Variants in ANKS1B observed in about 807,000 individuals in gnomAD.
The protein encoded by ANKS1B is ankyrin repeat and sterile alpha motif domain containing 1B.
In ANKS1B, 36 loss-of-function variants were observed where a neutral mutation model predicts 148.3. The observed-to-expected ratio is 0.24, with a 90% confidence interval of 0.19 to 0.32. The LOEUF is 0.32. Among genes scored for constraint, ANKS1B ranks in the 10% least tolerant of loss-of-function variants. ANKS1B has a pLI of 1.00. For missense variants in ANKS1B, 1,157 were observed against 1,542.6 expected, an observed-to-expected ratio of 0.75 and a Z score of 4.19; for synonymous variants, 542 against 560.8, an observed-to-expected ratio of 0.97 and a Z score of 0.47.
At chr12:99,372,282 T>C (rs537429216) in intron 12 of ANKS1B, among the ~76,000 whole-genome samples, 1 of 151,554 alleles carries the variant, frequency 6.6e-6, no homozygotes, top group Non-Finnish European at 1.5e-5. Context: ...GCTGTGAACC[T>C]AAAAAGAAAA....
chr12:99,558,459 G>T (rs563123814), intron 9 of ANKS1B, among the ~76,000 whole-genome samples: 4 of 152,230 alleles, frequency 2.6e-5, no homozygotes, highest in East Asian at 1.9e-4. Flanking sequence ...GTGTGTCAAG[G>T]GGGGAGGGGA....
chr12:99,982,774 C>G (rs753464768), intron 1 of ANKS1B, among the ~76,000 whole-genome samples: 2 of 152,162 alleles, frequency 1.3e-5, no homozygotes, highest in Non-Finnish European at 2.9e-5. Flanking sequence ...CATAAATATT[C>G]ATTCTTCTGA....
intron 22 of ANKS1B, among the ~76,000 whole-genome samples, chr12:98,789,235 CG>C (rs2098825586): frequency 6.6e-6 from 1 of 151,986 alleles, no homozygotes; most frequent in African/African-American, 2.4e-5. Flanking sequence ...CCCAGCTACT[CG>C]GGAGGCTGAG....
At chr12:99,135,451 T>C (rs767342939) in intron 15 of ANKS1B, among the ~76,000 whole-genome samples, 9 of 152,152 alleles carry the variant, frequency 5.9e-5, no homozygotes, top group Non-Finnish European at 5.9e-5. Flanking sequence ...ACCCACTCAG[T>C]CACATCTTAG....
At chr12:99,100,333 TATTC>T (rs1432596170) in intron 15 of ANKS1B, among the ~76,000 whole-genome samples, 10 of 152,182 alleles carry the variant, frequency 6.6e-5, no homozygotes, top group Non-Finnish European at 1.5e-4. Flanking sequence ...TTCATTGACT[TATTC>T]ATTCACCCAT....
chr12:98,927,605 A>G (rs2099809910), intron 17 of ANKS1B, among the ~76,000 whole-genome samples: 1 of 152,000 alleles, frequency 6.6e-6, no homozygotes, highest in African/African-American at 2.4e-5. Flanking sequence ...AATGTCATAA[A>G]GATATAATTT....
rs559718557 is a variant in ANKS1B, at chr12:99,424,238, T to C, written c.1575+19435A>G. Among the ~76,000 whole-genome samples the C allele has an allele frequency of 4.6e-5, 7 of 152,320 alleles. No homozygotes were observed. The South Asian group carries it at 1.5e-3, about 32-fold the overall frequency. On this transcript the variant is annotated intron_variant, in intron 11 of 26. Coordinates refer to ENST00000683438, the MANE Select transcript of ANKS1B (RefSeq NM_001352186.2). ...ATGTACTTTATCAATATAAAAATCC[T>C]ATTTATTCCTATGCTTTTTATCTCA...
chr12:99,825,347 A>T lies in ANKS1B; in HGVS notation c.177T>A (p.Gly59=), dbSNP rs2083053882. ...AGGCTGCGTGGTGTAAAGCAGTGTA[A>T]CCCGAACTGTCTGTGCAGTTCACAT... is the stretch of plus-strand genomic sequence containing the variant. ...GPNVNCTDSS[G]YTALHHAALN... Residue 59 remains glycine (G), a synonymous_variant, in exon 2 of 27, where the codon GGT becomes GGA. Coordinates refer to ENST00000683438, the MANE Select transcript of ANKS1B (RefSeq NM_001352186.2). 2 of 1,612,796 alleles carry T rather than the reference A, an allele frequency of 1.2e-6. No homozygotes were observed. The highest frequency in any genetic ancestry group is 1.3e-5 in the African/African-American group (1 of 74,922).
chr12:99,488,494 T>A (rs1453349731), intron 10 of ANKS1B, among the ~76,000 whole-genome samples: 1 of 152,220 alleles, frequency 6.6e-6, no homozygotes, highest in Non-Finnish European at 1.5e-5. Flanking sequence ...AAATGTTTTT[T>A]AACAAAAATA....
chr12:99,587,998 G>A (rs1445519402), intron 9 of ANKS1B, among the ~76,000 whole-genome samples: 3 of 152,062 alleles, frequency 2.0e-5, no homozygotes, highest in Non-Finnish European at 2.9e-5. Flanking sequence ...CTAGATGTAC[G>A]AGTTACATTG....
At chr12:99,295,419 G>A (rs1280749007) in intron 12 of ANKS1B, among the ~76,000 whole-genome samples, 5 of 151,994 alleles carry the variant, frequency 3.3e-5, no homozygotes, top group African/African-American at 7.3e-5. Context: ...CTTATTACTG[G>A]ATTTGACAGT....
intron 1 of ANKS1B, among the ~76,000 whole-genome samples, chr12:99,928,601 C>T (rs2094534984): frequency 6.6e-6 from 1 of 152,178 alleles, no homozygotes; most frequent in Admixed American, 6.5e-5. Context: ...TATAAAGCTG[C>T]TGACAAATAT....
intron 10 of ANKS1B, among the ~76,000 whole-genome samples, chr12:99,447,115 G>C (rs183266238): frequency 6.6e-6 from 1 of 152,084 alleles, no homozygotes; most frequent in East Asian, 1.9e-4. Flanking sequence ...TGCTGGCATA[G>C]AAACAGACAC....
chr12:99,221,003 T>G (rs1286836047), intron 14 of ANKS1B, among the ~76,000 whole-genome samples: 1 of 152,264 alleles, frequency 6.6e-6, no homozygotes, highest in East Asian at 1.9e-4. Context: ...AAACCATTCA[T>G]TTAAAAAAGG....
chr12:99,883,793 G>A (rs1374869052), intron 1 of ANKS1B, among the ~76,000 whole-genome samples: 1 of 152,158 alleles, frequency 6.6e-6, no homozygotes, highest in East Asian at 1.9e-4. Context: ...GCAGGCACCT[G>A]TAATCCCAGC....
In ANKS1B at chr12:98,857,432, A is replaced by G. The variant is rs529747520; in HGVS notation, c.2779-25296T>C. On this transcript the variant is annotated intron_variant, in intron 17 of 26. Transcript: ENST00000683438. The stretch of plus-strand genomic sequence containing the variant: ...GAGGCTAGAGAGAGAGAACTGATTG[A>G]GCTTGAGGAGGGAGAGTGGGAAGGG... Among the ~76,000 whole-genome samples, 6 of 152,208 alleles carry G rather than the reference A, an allele frequency of 3.9e-5. No homozygotes were observed. In the South Asian group the frequency reaches 1.2e-3, roughly 32 times the overall value.
Position 99,667,943 on chromosome 12 carries a change from T to C in ANKS1B, c.1129-12733A>G, listed in dbSNP as rs370046915. ...TTAAGTGTATGCCGGACTTGATTTG[T>C]TACTATTTTATTGAGGATTTTGTTA... On this transcript the variant is annotated intron_variant, in intron 8 of 26. Coordinates refer to ENST00000683438, the MANE Select transcript of ANKS1B (RefSeq NM_001352186.2). 5.3e-5 allele frequency among the ~76,000 whole-genome samples: 8 copies of C among 152,340 alleles called. No individual in the cohort carries two copies. The East Asian group carries it at 1.5e-3, about 29-fold the overall frequency.
At chr12:98,916,081 G>A (rs778913280) in intron 17 of ANKS1B, among the ~76,000 whole-genome samples, 4 of 152,172 alleles carry the variant, frequency 2.6e-5, no homozygotes, top group African/African-American at 7.2e-5. Flanking sequence ...ATTGACGTAT[G>A]TTTGTTAAGT....
intron 12 of ANKS1B, among the ~76,000 whole-genome samples, chr12:99,268,618 C>A (rs2076699671): frequency 6.6e-6 from 1 of 152,156 alleles, no homozygotes; most frequent in African/African-American, 2.4e-5. Context: ...AGGTAATGGG[C>A]ATAAAATGAC....
Sources: gnomAD v4.1 joint callset for allele counts (sites outside exome capture counted in the v4.1 genomes callset) on GRCh38, gnomAD v4.1.1 for gene constraint, MANE v1.5 for transcripts, NCBI Gene and HGNC (gene_info 2026-07-23, HGNC 2026-07-21) for gene names.